The following MMP21 variants were observed in gnomAD, a reference collection of about 807,000 sequenced individuals.
The protein encoded by MMP21 is matrix metalloproteinase-21.
Under a neutral mutation model 47.8 loss-of-function variants are expected in MMP21, and 40 were observed. That is an observed-to-expected ratio of 0.84 (90% CI 0.65 to 1.09). The LOEUF (loss-of-function observed/expected upper bound fraction) is 1.09. Among genes scored for constraint, MMP21 ranks in the 50% least tolerant of loss-of-function variants. The pLI is 0.00. For synonymous variants in MMP21, 341 were observed against 318.0 expected, an observed-to-expected ratio of 1.07 and a Z score of -0.77; for missense variants, 747 against 775.3, an observed-to-expected ratio of 0.96 and a Z score of 0.43.
At position 125,770,603 on chromosome 10, in the gene MMP21, A is replaced by G; in HGVS notation, c.980-12T>C. 1 of 1,611,028 alleles carries G rather than the reference A, an allele frequency of 6.2e-7. No individual in the cohort carries two copies. Among genetic ancestry groups the G allele is most frequent in the Non-Finnish European group, 8.5e-7 (1 of 1,178,310 alleles). ...TCCCTCACAGGAGCCTTAAAAAAAC[A>G]AACAAAAAACAGCCACTTGTCACAT... On this transcript the variant is annotated splice_polypyrimidine_tract_variant and intron_variant, in intron 4 of 6. Coordinates refer to ENST00000368808, the MANE Select transcript of MMP21 (RefSeq NM_147191.1).
chr10:125,767,830 G>A, intron 5 of MMP21, 126 bp from the exon 6 acceptor site: 2 of 933,236 alleles, frequency 2.1e-6, no homozygotes, highest in Non-Finnish European at 3.2e-6. Context: ...AGGAGAAAAC[G>A]GGGCTTTCGG....
chr10:125,767,467 G>T (rs570393287), intron 6 of MMP21, 65 bp downstream of exon 6: 2 of 1,458,782 alleles, frequency 1.4e-6, no homozygotes, highest in East Asian at 2.3e-5. Flanking sequence ...TATGAACTTG[G>T]TCATCTGACG....
chr10:125,770,630 C>T (rs542840001), intron 4 of MMP21, 39 bp from the exon 5 acceptor site: 1 of 1,606,736 alleles, frequency 6.2e-7, no homozygotes, highest in African/African-American at 1.3e-5. Flanking sequence ...TTGTCACATA[C>T]ATGGTGCAAA....
At chr10:125,774,632 G>A (rs938603569) in intron 1 of MMP21, among the ~76,000 whole-genome samples, 3 of 152,240 alleles carry the variant, frequency 2.0e-5, no homozygotes, top group Non-Finnish European at 4.4e-5. Context: ...GCCTTCCTGA[G>A]TGCGGGCCCT....
chr10:125,772,582 T>C lies in MMP21; in HGVS notation c.837+29A>G, dbSNP rs1346715748. ...CAGCCCATGAGCACTGCTGGTGTCT[T>C]ATCAACACAGTGGCTCAGGACCACT... is the stretch of plus-strand genomic sequence containing the variant. On this transcript the variant is annotated intron_variant, in intron 3 of 6. Transcript: ENST00000368808. This position sits in a 1 kb window ranked among gnomAD's most constrained non-coding sequence, Gnocchi z 5.6. 3.1e-6 allele frequency: 5 copies of C among 1,613,958 alleles called. No individual in the cohort carries two copies. Among genetic ancestry groups the C allele is most frequent in the Non-Finnish European group, 4.2e-6 (5 of 1,179,950 alleles).
chr10:125,771,035 G>GA (rs28381301), intron 4 of MMP21, among the ~76,000 whole-genome samples: 3,594 of 149,800 alleles, frequency 0.024, 106 homozygotes, highest in East Asian at 0.089. Context: ...ATCTTGAAAA[G>GA]AAAAAAAAAC....
chr10:125,774,090 CG>C lies in MMP21; in HGVS notation c.437del (p.Pro146ArgfsTer31). 7.3e-7 allele frequency: 1 copy of C among 1,366,188 alleles called. No individual in the cohort carries two copies. The highest frequency in any genetic ancestry group is 9.4e-7 in the Non-Finnish European group (1 of 1,065,314). 84.6% of individuals were successfully genotyped at this position (1,366,188 alleles called of 1,614,324 possible). A position where few individuals can be genotyped will look rare whatever the true frequency, so the allele number is the denominator to read the frequency against. ...PPPRARSRRS[P>X]RAPLSLSRRG... is the part of the protein sequence containing the mutation. ...GCCGGGACAAGGACAGCGGCGCCCG[CG>C]GGGAGCGCCTGGAGCGGGCTCTGGG... is the stretch of plus-strand genomic sequence containing the variant. On this transcript the variant is annotated frameshift_variant, in exon 2 of 7. Coordinates refer to ENST00000368808, the MANE Select transcript of MMP21 (RefSeq NM_147191.1). LOFTEE classifies it high-confidence loss of function.
At position 125,770,501 on chromosome 10, in the gene MMP21, T is replaced by C; in HGVS notation, c.1070A>G (p.Tyr357Cys). 6 of 1,614,072 alleles carry C rather than the reference T, an allele frequency of 3.7e-6. No individual in the cohort carries two copies. Among genetic ancestry groups the C allele is most frequent in the Non-Finnish European group, 5.1e-6 (6 of 1,180,022 alleles). ...YGEVMVRFST[Y>C]FFRNSWYWLY... is the part of the protein sequence containing the mutation. ...CCAGTACCAGCTGTTACGGAAGAAATATGTGCTAAATCTCACCATCACCTC... is the reference window on the plus strand; with the variant it reads ...CCAGTACCAGCTGTTACGGAAGAAACATGTGCTAAATCTCACCATCACCTC... Residue 357 changes from tyrosine to cysteine, a missense_variant, in exon 5 of 7, where the codon TAT becomes TGT. Tyr to Cys is a radical substitution (Grantham distance 194). Transcript: ENST00000368808.
intron 5 of MMP21, among the ~76,000 whole-genome samples, chr10:125,769,571 G>A (rs1274954665): frequency 6.6e-6 from 1 of 152,076 alleles, no homozygotes; most frequent in Non-Finnish European, 1.5e-5. Flanking sequence ...TCTCCATTCT[G>A]GGTGCCTTTT....
chr10:125,773,937 A>G lies in MMP21; in HGVS notation c.591T>C (p.Ile197=), dbSNP rs1850481620. 1.9e-6 allele frequency: 3 copies of G among 1,585,688 alleles called. No individual in the cohort carries two copies. In the East Asian group the frequency reaches 6.9e-5, roughly 37 times the overall value. Residue 197 remains isoleucine, a synonymous_variant, in exon 2 of 7, where the codon ATT becomes ATC. Coordinates refer to ENST00000368808, the MANE Select transcript of MMP21 (RefSeq NM_147191.1). The surrounding 1 kb of genome is among the most constrained non-coding windows in gnomAD (Gnocchi z 4.8). ...SQLSVADQRR[I]VALAFRMWSE... ...TCCACATCCTGAAGGCCAGCGCCAC[A>G]ATGCGCCGCTGGTCGGCCACGGACA...
At chr10:125,770,647 A>G in intron 4 of MMP21, 56 bp from the exon 5 acceptor site, 1 of 1,581,668 alleles carries the variant, frequency 6.3e-7, no homozygotes, top group Non-Finnish European at 8.6e-7. Flanking sequence ...CAAAACTTAT[A>G]TTTTCATATG....
At chr10:125,774,753 C>T (rs1850496868) in intron 1 of MMP21, among the ~76,000 whole-genome samples, 1 of 152,112 alleles carries the variant, frequency 6.6e-6, no homozygotes, top group African/African-American at 2.4e-5. Context: ...GGGAGGAAGA[C>T]GCTCCCCCCG....
chr10:125,767,937 A>G (rs1359228529), intron 5 of MMP21, among the ~76,000 whole-genome samples: 2 of 152,196 alleles, frequency 1.3e-5, no homozygotes, highest in African/African-American at 4.8e-5. Context: ...TCACTGCTGC[A>G]GTTGGAATGC....
intron 1 of MMP21, 50 bp downstream of exon 1, chr10:125,775,588 CGCGCGTGCGCATGTGCCTGTGT>C: frequency 6.7e-7 from 1 of 1,483,936 alleles, no homozygotes; most frequent in South Asian, 1.4e-5. Context: ...TGTGCCTGTG[CGCGCGTGCGCATGTGCCTGTGT>C]GCACGTGCAC....
intron 1 of MMP21, 112 bp from the exon 2 acceptor site, chr10:125,774,477 G>C (rs547864820): frequency 1.6e-5 from 10 of 638,032 alleles, no homozygotes. Flanking sequence ...CAGAGACAGA[G>C]AGAAGCAGAG....
chr10:125,766,939 C>T lies in MMP21; in HGVS notation c.1433G>A (p.Arg478Lys). The change falls in exon 7 of 7, where the codon AGA (arginine) becomes AAA (lysine). Residue 478 changes from arginine to lysine, a missense_variant. Coordinates refer to ENST00000368808, the MANE Select transcript of MMP21 (RefSeq NM_147191.1). ...ESLVFAFDVN[R>K]NRVLNSYPKR... Reference sequence around the variant, plus strand: ...TGGATAAGAATTAAGTACTCGATTTCTGTTGACATCAAATGCAAATACCTG... The same window carrying T: ...TGGATAAGAATTAAGTACTCGATTTTTGTTGACATCAAATGCAAATACCTG... The T allele has an allele frequency of 2.5e-6, 4 of 1,592,196 alleles. No homozygotes were observed. The highest frequency in any genetic ancestry group is 3.4e-6 in the Non-Finnish European group (4 of 1,172,292).
At chr10:125,775,591 G>T in intron 1 of MMP21, 69 bp downstream of exon 1, 2 of 1,489,564 alleles carry the variant, frequency 1.3e-6, no homozygotes, top group Non-Finnish European at 1.8e-6. Context: ...GCCTGTGCGC[G>T]CGTGCGCATG....
intron 5 of MMP21, among the ~76,000 whole-genome samples, chr10:125,769,624 G>A (rs1212906310): frequency 6.6e-6 from 1 of 152,118 alleles, no homozygotes; most frequent in African/African-American, 2.4e-5. Context: ...TCTAGGCCAC[G>A]ACCTGATTCC....
intron 5 of MMP21, among the ~76,000 whole-genome samples, chr10:125,768,574 A>G (rs556754484): frequency 2.7e-4 from 41 of 152,268 alleles, no homozygotes; most frequent in Admixed American, 5.9e-4. Flanking sequence ...CTTAGCAACC[A>G]AATATTTAAT....
Sources: allele counts gnomAD v4.1 joint callset (sites outside exome capture counted in the v4.1 genomes callset), GRCh38; gene constraint gnomAD v4.1.1; non-coding constraint Gnocchi (gnomAD v3.1); transcripts MANE v1.5; gene names NCBI Gene and HGNC (gene_info 2026-07-23, HGNC 2026-07-21).